The following ASIC2 variants were observed in gnomAD, a reference collection of about 807,000 sequenced individuals.
ASIC2 encodes acid sensing ion channel subunit 2, also known as acid-sensing ion channel 2.
A neutral mutation model predicts 57.3 loss-of-function variants in ASIC2; 25 were observed. The ratio of observed to expected loss-of-function variants is 0.44; its 90% CI spans 0.32 to 0.61. The LOEUF is 0.61. Among genes scored for constraint, ASIC2 ranks in the 20% least tolerant of loss-of-function variants. ASIC2 has a pLI of 0.06. For missense variants in ASIC2, 641 were observed against 738.1 expected, an observed-to-expected ratio of 0.87 and a Z score of 1.52; for synonymous variants, 319 against 307.5, an observed-to-expected ratio of 1.04 and a Z score of -0.39.
chr17:33,248,842 C>G (rs548948787), intron 1 of ASIC2, among the ~76,000 whole-genome samples: 24 of 152,364 alleles, frequency 1.6e-4, no homozygotes, highest in Non-Finnish European at 3.1e-4. Flanking sequence ...TTGTCCATCT[C>G]AAGTTCCTTG....
chr17:33,073,829 C>T (rs1043951066), intron 3 of ASIC2, among the ~76,000 whole-genome samples: 6 of 152,274 alleles, frequency 3.9e-5, no homozygotes, highest in Admixed American at 6.5e-5. Flanking sequence ...GGGGCCCAGC[C>T]GCTATGGGCT....
intron 1 of ASIC2, among the ~76,000 whole-genome samples, chr17:33,809,200 T>C (rs910828785): frequency 2.0e-5 from 3 of 152,216 alleles, no homozygotes; most frequent in Admixed American, 1.3e-4. Flanking sequence ...GTCTGACTCA[T>C]TGATCTGCCT....
At chr17:33,443,023 T>G (rs1016246706) in intron 1 of ASIC2, among the ~76,000 whole-genome samples, 1 of 152,240 alleles carries the variant, frequency 6.6e-6, no homozygotes, top group Non-Finnish European at 1.5e-5. Flanking sequence ...TTTCTGCACT[T>G]ATTGTGATTG....
At chr17:33,678,574 A>G (rs1907900120) in intron 1 of ASIC2, among the ~76,000 whole-genome samples, 1 of 151,972 alleles carries the variant, frequency 6.6e-6, no homozygotes, top group African/African-American at 2.4e-5. Flanking sequence ...CCTGACACCC[A>G]GTCCACAGCC....
At chr17:33,225,940 T>G (rs1907864317) in intron 1 of ASIC2, among the ~76,000 whole-genome samples, 1 of 152,238 alleles carries the variant, frequency 6.6e-6, no homozygotes, top group Non-Finnish European at 1.5e-5. Context: ...CTCTCATTTT[T>G]TTCATTCATT....
At chr17:33,435,508 A>T (rs7502868) in intron 1 of ASIC2, among the ~76,000 whole-genome samples, 58,300 of 151,968 alleles carry the variant, frequency 0.38, 11,616 homozygotes, top group Non-Finnish European at 0.42. Context: ...ACATGCATTC[A>T]TAATTACCCA....
At chr17:34,039,110 T>A in intron 1 of ASIC2, 2 of 1,614,090 alleles carry the variant, frequency 1.2e-6, no homozygotes, top group Non-Finnish European at 1.7e-6. Flanking sequence ...TTCTCTAGCA[T>A]CTTTTGCTGT....
At chr17:33,476,783 G>C (rs902687087) in intron 1 of ASIC2, among the ~76,000 whole-genome samples, 1 of 151,972 alleles carries the variant, frequency 6.6e-6, no homozygotes, top group Non-Finnish European at 1.5e-5. Context: ...CCGAAGGACT[G>C]TGCACAGAAA....
At chr17:33,336,204 CAG>C (rs1907508711) in intron 1 of ASIC2, among the ~76,000 whole-genome samples, 1 of 152,062 alleles carries the variant, frequency 6.6e-6, no homozygotes, top group African/African-American at 2.4e-5. Context: ...TTTAGACTCT[CAG>C]TATCTCTAGG....
chr17:33,530,026 A>G (rs554240429), intron 1 of ASIC2: 1 of 152,278 alleles, frequency 6.6e-6, no homozygotes, highest in East Asian at 1.9e-4. Flanking sequence ...CCTAGTACAA[A>G]GTAGGTCCAG....
chr17:33,524,989 G>C (rs1049297731), intron 1 of ASIC2, among the ~76,000 whole-genome samples: 2 of 152,188 alleles, frequency 1.3e-5, no homozygotes, highest in African/African-American at 4.8e-5. Flanking sequence ...AAAGGCCAAA[G>C]GTCCTTGTGA....
chr17:33,652,913 A>T (rs1906962450), intron 1 of ASIC2, among the ~76,000 whole-genome samples: 1 of 152,188 alleles, frequency 6.6e-6, no homozygotes, highest in African/African-American at 2.4e-5. Flanking sequence ...TGAGAAACAC[A>T]CTTGGCCTGG....
chr17:33,814,270 G>A (rs1223200142), intron 1 of ASIC2, among the ~76,000 whole-genome samples: 1 of 152,158 alleles, frequency 6.6e-6, no homozygotes, highest in Non-Finnish European at 1.5e-5. Flanking sequence ...CAAAGAAAAA[G>A]CAAAGCATAA....
At chr17:33,199,881 C>CA (rs1215491627) in intron 1 of ASIC2, among the ~76,000 whole-genome samples, 1 of 152,108 alleles carries the variant, frequency 6.6e-6, no homozygotes, top group Non-Finnish European at 1.5e-5. Flanking sequence ...GTCCTGAGGA[C>CA]AAAATCCACA....
At chr17:33,737,433 G>A (rs1012347900) in intron 1 of ASIC2, among the ~76,000 whole-genome samples, 6 of 152,218 alleles carry the variant, frequency 3.9e-5, no homozygotes, top group African/African-American at 1.4e-4. Flanking sequence ...TTCCTGAATG[G>A]GATATCTTGG....
At chr17:33,974,200 C>G (rs1437364828) in intron 1 of ASIC2, among the ~76,000 whole-genome samples, 4 of 152,090 alleles carry the variant, frequency 2.6e-5, no homozygotes, top group Admixed American at 2.6e-4. Flanking sequence ...AAGTCAGGAG[C>G]CCTGCAGTCT....
chr17:33,759,473 G>T (rs1240674254), intron 1 of ASIC2, among the ~76,000 whole-genome samples: 1 of 152,210 alleles, frequency 6.6e-6, no homozygotes, highest in Non-Finnish European at 1.5e-5. Context: ...AGAAGCCAAG[G>T]ATGCAGCCTG....
intron 1 of ASIC2, among the ~76,000 whole-genome samples, chr17:33,324,312 C>T (rs1166481749): frequency 1.3e-5 from 2 of 151,946 alleles, no homozygotes; most frequent in Non-Finnish European, 1.5e-5. Flanking sequence ...TTTCACATGG[C>T]TAAGTGTCTG....
chr17:33,026,863 G>A (rs1042334935), intron 4 of ASIC2, among the ~76,000 whole-genome samples: 6 of 152,236 alleles, frequency 3.9e-5, no homozygotes, highest in South Asian at 2.1e-4. Flanking sequence ...CGGAGCCGAA[G>A]AGTCAATATG....
Sources: allele counts gnomAD v4.1 joint callset (sites outside exome capture counted in the v4.1 genomes callset), GRCh38; gene constraint gnomAD v4.1.1; transcripts MANE v1.5; gene names NCBI Gene and HGNC (gene_info 2026-07-23, HGNC 2026-07-21).